The following CGGBP1 variants were observed in gnomAD, a reference collection of about 807,000 sequenced individuals.
CGGBP1 encodes CGG triplet repeat-binding protein 1.
A neutral mutation model predicts 11.4 loss-of-function variants in CGGBP1; 4 were observed. That is an observed-to-expected ratio of 0.35 (90% CI 0.17 to 0.80). The LOEUF (loss-of-function observed/expected upper bound fraction) is 0.80, where lower values mean the gene tolerates loss of function less well. Ranked by LOEUF, CGGBP1 falls within the 30% of genes least tolerant of loss-of-function variation. CGGBP1 has a pLI of 0.52. For missense variants in CGGBP1, 135 were observed against 202.1 expected (o/e 0.67, Z 2.01); for synonymous variants, 76 against 74.1 (o/e 1.03, Z -0.13).
intron 2 of CGGBP1, chr3:88,139,363 CTCA>C: frequency 6.2e-7 from 1 of 1,613,100 alleles, no homozygotes; most frequent in Non-Finnish European, 8.5e-7. Context: ...CATGCCCAGG[CTCA>C]TCAGAAAAAA....
chr3:88,139,671 G>A (rs767112324), intron 2 of CGGBP1: 3 of 1,607,208 alleles, frequency 1.9e-6, no homozygotes, highest in Non-Finnish European at 2.6e-6. Flanking sequence ...TCCCATAAGT[G>A]TACCAGAAGA....
intron 2 of CGGBP1, among the ~76,000 whole-genome samples, chr3:88,074,784 A>G (rs1343077183): frequency 6.6e-6 from 1 of 152,232 alleles, no homozygotes; most frequent in Admixed American, 6.5e-5. Flanking sequence ...TACTTTTGCC[A>G]GTAAAAATTA....
chr3:88,137,894 T>G (rs553133371), intron 2 of CGGBP1, among the ~76,000 whole-genome samples: 30 of 152,262 alleles, frequency 2.0e-4, no homozygotes, highest in Non-Finnish European at 4.0e-4. Flanking sequence ...GGCAGTATGA[T>G]ATATATACAT....
Position 88,137,067 on chromosome 3 carries a change from C to T in CGGBP1, c.-229+3903G>A, listed in dbSNP as rs1450450594. ...AAAATTAGCCAAGTGTGGTGGCTCA[C>T]GCCTGTAGTCCCAGCTACTGGGGAG... On this transcript the variant is annotated intron_variant, in intron 2 of 3. Transcript: ENST00000462901. Among the ~76,000 whole-genome samples, 11 of 151,868 alleles carry T rather than the reference C, an allele frequency of 7.2e-5. No individual in the cohort carries two copies. The South Asian group carries it at 1.0e-3, about 14-fold the overall frequency.
intron 2 of CGGBP1, among the ~76,000 whole-genome samples, chr3:88,120,946 A>C (rs915011314): frequency 6.6e-6 from 1 of 151,932 alleles, no homozygotes; most frequent in Non-Finnish European, 1.5e-5. Flanking sequence ...TTGATAGAAA[A>C]TTTTCTTGTC....
intron 2 of CGGBP1, among the ~76,000 whole-genome samples, chr3:88,093,604 C>T (rs1703877444): frequency 6.6e-6 from 1 of 152,190 alleles, no homozygotes; most frequent in African/African-American, 2.4e-5. Flanking sequence ...TATAATCAGT[C>T]TCTTATTTTG....
intron 2 of CGGBP1, among the ~76,000 whole-genome samples, chr3:88,075,865 C>G (rs1379704351): frequency 6.6e-6 from 1 of 152,054 alleles, no homozygotes. Flanking sequence ...CATTCAATAT[C>G]AAGCAAATTT....
At chr3:88,062,612 AAATT>A (rs1242162390), upstream of CGGBP1, among the ~76,000 whole-genome samples, 2 of 152,200 alleles carry the variant, frequency 1.3e-5, no homozygotes, top group Non-Finnish European at 1.5e-5. Flanking sequence ...TTTTTGTCAT[AAATT>A]GATTGTAAAC....
chr3:88,139,861 T>C (rs753231217), intron 2 of CGGBP1: 4 of 1,601,804 alleles, frequency 2.5e-6, no homozygotes, highest in Non-Finnish European at 3.4e-6. Context: ...AATGGAACTG[T>C]GTGCCATCCA....
intron 2 of CGGBP1, among the ~76,000 whole-genome samples, chr3:88,127,204 C>T (rs1706162010): frequency 1.3e-5 from 2 of 152,104 alleles, no homozygotes; most frequent in Admixed American, 1.3e-4. Context: ...ACCAGTTAGA[C>T]CTTGGTTTTG....
intron 2 of CGGBP1, among the ~76,000 whole-genome samples, chr3:88,124,238 T>C (rs756252703): frequency 2.0e-5 from 3 of 152,220 alleles, no homozygotes; most frequent in Non-Finnish European, 4.4e-5. Context: ...ACAACAATCC[T>C]ATGAAGTAGG....
intron 2 of CGGBP1, chr3:88,138,899 T>C: frequency 2.4e-6 from 3 of 1,233,594 alleles, no homozygotes; most frequent in Non-Finnish European, 3.0e-6. Flanking sequence ...CGTATCGTAC[T>C]GTTGAAGAGC....
intron 2 of CGGBP1, among the ~76,000 whole-genome samples, chr3:88,127,724 C>T: frequency 6.6e-6 from 1 of 152,060 alleles, no homozygotes. Flanking sequence ...GGGCTGATGG[C>T]CTTTTAGGCT....
chr3:88,145,813 C>G (rs1269870007), intron 1 of CGGBP1, among the ~76,000 whole-genome samples: 2 of 152,164 alleles, frequency 1.3e-5, no homozygotes, highest in Non-Finnish European at 2.9e-5. Context: ...TGTGCTGCCT[C>G]TAATTGTCAC....
chr3:88,111,029 A>G (rs545708099), intron 2 of CGGBP1, among the ~76,000 whole-genome samples: 1 of 152,166 alleles, frequency 6.6e-6, no homozygotes, highest in South Asian at 2.1e-4. Flanking sequence ...AGCAGTTTGT[A>G]AAGTTGGTAA....
At chr3:88,074,705 C>T (rs753274940) in intron 2 of CGGBP1, among the ~76,000 whole-genome samples, 15 of 152,254 alleles carry the variant, frequency 9.9e-5, no homozygotes, top group African/African-American at 3.4e-4. Context: ...GCACCCAACC[C>T]AATACCCATT....
At chr3:88,085,953 G>T (rs954395683) in intron 2 of CGGBP1, among the ~76,000 whole-genome samples, 1 of 151,950 alleles carries the variant, frequency 6.6e-6, no homozygotes, top group Admixed American at 6.6e-5. Flanking sequence ...TTGAATAATT[G>T]TTATTTTCAC....
chr3:88,062,203 G>GT (rs1706924607), upstream of CGGBP1, among the ~76,000 whole-genome samples: 1 of 152,178 alleles, frequency 6.6e-6, no homozygotes, highest in African/African-American at 2.4e-5. Flanking sequence ...GTAGGGGAAA[G>GT]TAACTTTTAT....
chr3:88,119,710 G>C (rs1705655972), intron 2 of CGGBP1, among the ~76,000 whole-genome samples: 1 of 152,058 alleles, frequency 6.6e-6, no homozygotes, highest in Non-Finnish European at 1.5e-5. Context: ...AATCTTGCAT[G>C]CACCTTAATT....
Sources: allele counts gnomAD v4.1 joint callset (sites outside exome capture counted in the v4.1 genomes callset), GRCh38; gene constraint gnomAD v4.1.1; transcripts MANE v1.5; gene names NCBI Gene and HGNC (gene_info 2026-07-23, HGNC 2026-07-21).